AQP9: variants seen among roughly 807,000 people sequenced by gnomAD.
The protein encoded by AQP9 is aquaporin 9.
AQP9 carries 19 observed loss-of-function variants against 23.8 expected under a neutral mutation model. The ratio of observed to expected loss-of-function variants is 0.80; its 90% confidence interval spans 0.56 to 1.17. AQP9 has a LOEUF of 1.17. Among genes scored for constraint, AQP9 ranks in the 50% most tolerant of loss-of-function variants. The probability of loss-of-function intolerance (pLI) is 0.00; values close to 1 mark genes in which losing one functional copy is unlikely to be tolerated. For missense variants in AQP9, 413 were observed against 362.0 expected (o/e 1.14, Z -1.14); for synonymous variants, 153 against 131.5 (o/e 1.16, Z -1.12).
At chr15:58,146,141 G>T (rs753192843) in intron 1 of AQP9, among the ~76,000 whole-genome samples, 3 of 151,870 alleles carry the variant, frequency 2.0e-5, no homozygotes, top group Non-Finnish European at 2.9e-5. Context: ...AATTTAAAGG[G>T]TTATAATATT....
intron 1 of AQP9, among the ~76,000 whole-genome samples, chr15:58,147,890 G>GCA (rs112161250): frequency 0.098 from 14,739 of 150,324 alleles, 761 homozygotes; most frequent in African/African-American, 0.13. Flanking sequence ...ATAAACACAT[G>GCA]CACACACACA....
At chr15:58,146,514 G>A (rs779637943) in intron 1 of AQP9, among the ~76,000 whole-genome samples, 3 of 151,906 alleles carry the variant, frequency 2.0e-5, no homozygotes, top group African/African-American at 7.3e-5. Flanking sequence ...ACTCACCAAA[G>A]CCTAATATAT....
chr15:58,154,162 G>C (rs1898201653), intron 1 of AQP9: 1 of 151,984 alleles, frequency 6.6e-6, no homozygotes, highest in African/African-American at 2.4e-5. Context: ...CAATATACTA[G>C]GTTTTTACTC....
intron 1 of AQP9, among the ~76,000 whole-genome samples, chr15:58,139,466 A>G (rs1897914661): frequency 6.6e-6 from 1 of 152,316 alleles, no homozygotes; most frequent in South Asian, 2.1e-4. Context: ...CTGAAGTTTT[A>G]CCTGGAACCA....
chr15:58,160,327 C>T (rs1484813708), intron 1 of AQP9, among the ~76,000 whole-genome samples: 1 of 151,906 alleles, frequency 6.6e-6, no homozygotes, highest in Non-Finnish European at 1.5e-5. Context: ...CTTTTGCCCG[C>T]TTTAAAATCA....
chr15:58,182,896 C>G (rs1409047832), intron 5 of AQP9, among the ~76,000 whole-genome samples: 1 of 152,168 alleles, frequency 6.6e-6, no homozygotes, highest in African/African-American at 2.4e-5. Context: ...GCTCAAAGAC[C>G]TTCTAGATAA....
chr15:58,158,307 G>A (rs764318210), intron 1 of AQP9, among the ~76,000 whole-genome samples: 8 of 152,098 alleles, frequency 5.3e-5, no homozygotes, highest in South Asian at 2.1e-4. Flanking sequence ...AGTGTGTGAC[G>A]GCTAAAAGTT....
chr15:58,178,487 T>A (rs996911161), intron 4 of AQP9, among the ~76,000 whole-genome samples: 15 of 152,244 alleles, frequency 9.9e-5, no homozygotes, highest in African/African-American at 3.4e-4. Flanking sequence ...ATTGTATAAA[T>A]AAATTTATGT....
intron 1 of AQP9, chr15:58,151,242 G>T (rs1291764971): frequency 6.6e-6 from 1 of 152,028 alleles, no homozygotes; most frequent in Non-Finnish European, 1.5e-5. Flanking sequence ...GGCCTGCGAA[G>T]CCGCAGTATG....
chr15:58,184,559 A>C lies in AQP9; in HGVS notation c.*424A>C. On this transcript the variant is annotated 3_prime_UTR_variant, in exon 6 of 6. Coordinates refer to ENST00000219919, the MANE Select transcript of AQP9 (RefSeq NM_020980.5). The stretch of plus-strand genomic sequence containing the variant: ...ATTCTGAGTACCAACCAAACCCTAA[A>C]TTGAAAGACAAAACTATGGTTTCAG... 1 of 155,676 alleles carries C rather than the reference A, an allele frequency of 6.4e-6. No individual in the cohort carries two copies. The highest frequency in any genetic ancestry group is 1.4e-5 in the Non-Finnish European group (1 of 70,268). The allele number at this position is 155,676 out of a possible 1,614,324, so 9.6% of individuals were successfully genotyped here. A position where few individuals can be genotyped will look rare whatever the true frequency, so the allele number is the denominator to read the frequency against.
intron 1 of AQP9, among the ~76,000 whole-genome samples, chr15:58,143,571 T>C (rs1455604295): frequency 1.3e-5 from 2 of 152,252 alleles, no homozygotes; most frequent in East Asian, 1.9e-4. Context: ...AACATTCTAA[T>C]ATATGCTTTT....
intron 3 of AQP9, among the ~76,000 whole-genome samples, chr15:58,173,915 G>A: frequency 6.6e-6 from 1 of 152,146 alleles, no homozygotes; most frequent in East Asian, 1.9e-4. Context: ...CCCAAGGTAA[G>A]CCTTAATACA....
At chr15:58,139,999 T>C (rs1897924859) in intron 1 of AQP9, among the ~76,000 whole-genome samples, 1 of 152,188 alleles carries the variant, frequency 6.6e-6, no homozygotes, top group African/African-American at 2.4e-5. Context: ...TGATTCCCGG[T>C]CACTGCTTAC....
intron 1 of AQP9, chr15:58,153,897 A>C (rs1296469763): frequency 6.6e-6 from 1 of 152,130 alleles, no homozygotes; most frequent in Non-Finnish European, 1.5e-5. Context: ...ACCTCGCTTC[A>C]CAACTGATTA....
In AQP9 at chr15:58,184,012, T is replaced by C. The variant is rs1898953274; in HGVS notation, c.765T>C (p.Ala255=). The C allele has an allele frequency of 1.9e-6, 3 of 1,614,190 alleles. No homozygotes were observed. The highest frequency in any genetic ancestry group is 2.5e-6 in the Non-Finnish European group (3 of 1,180,024). Reference sequence around the variant, plus strand: ...CTGTAGTGGGCCCTTTGGTTGGTGCTGTCATTGGAGGCCTCATCTATGTTC... The same window carrying C: ...CTGTAGTGGGCCCTTTGGTTGGTGCCGTCATTGGAGGCCTCATCTATGTTC... ...WIPVVGPLVG[A]VIGGLIYVLV... The change falls in exon 6 of 6, where the codon GCT becomes GCC. Residue 255 remains alanine, a synonymous_variant. Coordinates refer to ENST00000219919, the MANE Select transcript of AQP9 (RefSeq NM_020980.5).
chr15:58,154,879 T>C (rs1210530959), intron 1 of AQP9: 1 of 152,364 alleles, frequency 6.6e-6, no homozygotes, highest in Non-Finnish European at 1.5e-5. Context: ...TAATAAATCA[T>C]AAGCCATTAT....
intron 2 of AQP9, 98 bp from the exon 3 acceptor site, chr15:58,172,970 C>T (rs914525266): frequency 2.0e-6 from 3 of 1,487,790 alleles, no homozygotes; most frequent in Non-Finnish European, 2.8e-6. Context: ...CAGTAGTTCT[C>T]TGCCTAGAAG....
chr15:58,183,825 C>T (rs561776104), intron 5 of AQP9, 136 bp from the exon 6 acceptor site: 2 of 903,920 alleles, frequency 2.2e-6, no homozygotes, highest in African/African-American at 3.3e-5. Flanking sequence ...TGCACTGAGC[C>T]CCCCTTATAC....
At chr15:58,145,040 A>G (rs1227486569) in intron 1 of AQP9, among the ~76,000 whole-genome samples, 3 of 151,560 alleles carry the variant, frequency 2.0e-5, no homozygotes, top group African/African-American at 7.3e-5. Context: ...AAAAGATAAA[A>G]GAAAAAAACT....
Sources: gnomAD v4.1 joint callset for allele counts (sites outside exome capture counted in the v4.1 genomes callset) on GRCh38, gnomAD v4.1.1 for gene constraint, MANE v1.5 for transcripts, NCBI Gene and HGNC (gene_info 2026-07-23, HGNC 2026-07-21) for gene names.